UBE2R2: variants seen among roughly 807,000 people sequenced by gnomAD.
The protein encoded by UBE2R2 is ubiquitin conjugating enzyme E2 R2.
A neutral mutation model predicts 27.8 loss-of-function variants in UBE2R2; 1 was observed. The observed-to-expected ratio is 0.04, with a 90% CI of 0.01 to 0.17. The LOEUF (loss-of-function observed/expected upper bound fraction) is 0.17, where lower values mean the gene tolerates loss of function less well. Among genes scored for constraint, UBE2R2 ranks in the 10% least tolerant of loss-of-function variants. The pLI is 1.00. For synonymous variants in UBE2R2, 106 were observed against 113.3 expected, an observed-to-expected ratio of 0.94 and a Z score of 0.41; for missense variants, 100 against 291.0, an observed-to-expected ratio of 0.34 and a Z score of 4.78.
chr9:33,837,624 T>C (rs1056542203), intron 1 of UBE2R2, among the ~76,000 whole-genome samples: 3 of 152,032 alleles, frequency 2.0e-5, no homozygotes, highest in African/African-American at 7.2e-5. Flanking sequence ...TGGGTTTTGC[T>C]GTGTTGCCCA....
intron 1 of UBE2R2, among the ~76,000 whole-genome samples, chr9:33,826,727 G>GT (rs1284431448): frequency 6.6e-6 from 1 of 151,922 alleles, no homozygotes; most frequent in Non-Finnish European, 1.5e-5. Context: ...AAAAAGAAAA[G>GT]TGAATAGTCC....
At chr9:33,911,075 G>T (rs1822472212) in intron 3 of UBE2R2, among the ~76,000 whole-genome samples, 1 of 152,038 alleles carries the variant, frequency 6.6e-6, no homozygotes, top group African/African-American at 2.4e-5. Flanking sequence ...CTGCACTCCA[G>T]CCTGGGTGAC....
intron 3 of UBE2R2, among the ~76,000 whole-genome samples, chr9:33,911,429 A>C (rs1057155820): frequency 2.2e-5 from 3 of 136,698 alleles, no homozygotes; most frequent in Admixed American, 7.5e-5. Context: ...AAAAAAAAAA[A>C]AAAAAACCTG....
chr9:33,818,371 G>A (rs1825876616), intron 1 of UBE2R2, among the ~76,000 whole-genome samples: 1 of 142,040 alleles, frequency 7.0e-6, no homozygotes, highest in Non-Finnish European at 1.5e-5. Context: ...TTTTTGGGGG[G>A]TGGGGGTGGG....
At chr9:33,900,678 T>A (rs1304363570) in intron 3 of UBE2R2, among the ~76,000 whole-genome samples, 1 of 152,146 alleles carries the variant, frequency 6.6e-6, no homozygotes, top group Non-Finnish European at 1.5e-5. Context: ...GTTGTTTTGC[T>A]CCAAAATATT....
chr9:33,904,194 A>G (rs1822303745), intron 3 of UBE2R2, among the ~76,000 whole-genome samples: 1 of 152,172 alleles, frequency 6.6e-6, no homozygotes, highest in African/African-American at 2.4e-5. Flanking sequence ...AAAGTAGTAA[A>G]CTGTTATATT....
chr9:33,915,284 A>C (rs1423523511), intron 4 of UBE2R2, among the ~76,000 whole-genome samples: 4 of 152,232 alleles, frequency 2.6e-5, no homozygotes, highest in African/African-American at 7.2e-5. Flanking sequence ...AGCAATGCTC[A>C]TTTATTCAGA....
chr9:33,908,569 A>ATTAC (rs1470541019), intron 3 of UBE2R2, among the ~76,000 whole-genome samples: 1 of 152,224 alleles, frequency 6.6e-6, no homozygotes, highest in Non-Finnish European at 1.5e-5. Flanking sequence ...AGTCTGCTGT[A>ATTAC]TTACTCAGTG....
intron 1 of UBE2R2, among the ~76,000 whole-genome samples, chr9:33,844,260 A>G (rs536526775): frequency 2.0e-5 from 3 of 152,342 alleles, no homozygotes; most frequent in African/African-American, 4.8e-5. Context: ...GCTGGAGTGC[A>G]GTGGCGCGAT....
At position 33,897,584 on chromosome 9, in the gene UBE2R2, C is replaced by T. The variant is rs571447206; in HGVS notation, c.265-2590C>T. Among the ~76,000 whole-genome samples the T allele has an allele frequency of 1.8e-4, 28 of 151,994 alleles. 1 individual carries two copies. The highest frequency in any genetic ancestry group is 6.3e-4 in the African/African-American group (26 of 41,470). ...CTGCCTGCCTCGGCCTCCCAAAGTG[C>T]TGGGATTACAGGCGTGAGCCACTGC... On this transcript the variant is annotated intron_variant, in intron 2 of 4. Coordinates refer to ENST00000263228, the MANE Select transcript of UBE2R2 (RefSeq NM_017811.4).
chr9:33,827,291 T>A (rs1820335342), intron 1 of UBE2R2, among the ~76,000 whole-genome samples: 1 of 152,086 alleles, frequency 6.6e-6, no homozygotes, highest in Non-Finnish European at 1.5e-5. Flanking sequence ...AGCATGCCAT[T>A]GTACTCTAGC....
chr9:33,875,742 A>G (rs541962527), intron 1 of UBE2R2, among the ~76,000 whole-genome samples: 9 of 152,330 alleles, frequency 5.9e-5, no homozygotes, highest in African/African-American at 1.9e-4. Flanking sequence ...AGCAAAGACA[A>G]TGCTTAGAAT....
intron 1 of UBE2R2, among the ~76,000 whole-genome samples, chr9:33,861,371 T>G (rs2130767422): frequency 6.6e-6 from 1 of 152,144 alleles, no homozygotes; most frequent in East Asian, 1.9e-4. Context: ...AGTTTGAGAC[T>G]AGCCTGGCCG....
intron 1 of UBE2R2, among the ~76,000 whole-genome samples, chr9:33,878,450 A>T (rs1367545952): frequency 6.6e-6 from 1 of 152,074 alleles, no homozygotes; most frequent in South Asian, 2.1e-4. Flanking sequence ...CCCTGTCCCT[A>T]CAAAAATTAA....
intron 1 of UBE2R2, among the ~76,000 whole-genome samples, chr9:33,860,935 A>C (rs534474740): frequency 3.2e-5 from 4 of 124,012 alleles, no homozygotes; most frequent in South Asian, 5.7e-4. Flanking sequence ...CCCTGTGTTA[A>C]GTTTTTTTTT....
intron 1 of UBE2R2, among the ~76,000 whole-genome samples, chr9:33,864,374 T>A (rs1198430733): frequency 6.6e-6 from 1 of 152,150 alleles, no homozygotes; most frequent in East Asian, 1.9e-4. Context: ...AAACCATTCA[T>A]GAGTTATATA....
intron 3 of UBE2R2, 150 bp downstream of exon 3, chr9:33,900,421 T>C (rs1822218406): frequency 3.8e-6 from 2 of 533,108 alleles, no homozygotes; most frequent in African/African-American, 1.9e-5. Flanking sequence ...TTAAGAAATA[T>C]GTATGCGTCA....
At chr9:33,854,661 TA>T (rs1396734157) in intron 1 of UBE2R2, among the ~76,000 whole-genome samples, 1 of 151,984 alleles carries the variant, frequency 6.6e-6, no homozygotes, top group Non-Finnish European at 1.5e-5. Context: ...TCAGTACTTT[TA>T]TTTTTTTCTA....
chr9:33,911,514 C>T (rs1030034324), intron 3 of UBE2R2, among the ~76,000 whole-genome samples: 1 of 148,058 alleles, frequency 6.8e-6, no homozygotes. Context: ...TAAGCTTTTT[C>T]CCCCATGCCA....
Sources: gnomAD v4.1 joint callset for allele counts (sites outside exome capture counted in the v4.1 genomes callset) on GRCh38, gnomAD v4.1.1 for gene constraint, MANE v1.5 for transcripts, NCBI Gene and HGNC (gene_info 2026-07-23, HGNC 2026-07-21) for gene names.